PDLIM3: variants seen among roughly 807,000 people sequenced by gnomAD.
The protein encoded by PDLIM3 is PDZ and LIM domain protein 3.
PDLIM3 carries 36 observed loss-of-function variants against 37.3 expected under a neutral mutation model. That is an observed-to-expected ratio of 0.97 (90% CI 0.74 to 1.28). PDLIM3 has a LOEUF of 1.28. Ranked by LOEUF, PDLIM3 falls within the 50% of genes most tolerant of loss-of-function variation. The probability of loss-of-function intolerance (pLI) is 0.00; values close to 1 mark genes in which losing one functional copy is unlikely to be tolerated. For synonymous variants in PDLIM3, 174 were observed against 182.4 expected, an observed-to-expected ratio of 0.95 and a Z score of 0.37; for missense variants, 454 against 485.0, an observed-to-expected ratio of 0.94 and a Z score of 0.60.
At chr4:185,512,675 C>G (rs944273712) in intron 4 of PDLIM3, 7 of 985,142 alleles carry the variant, frequency 7.1e-6, no homozygotes, top group Non-Finnish European at 6.0e-6. Flanking sequence ...TTTATTCAAG[C>G]CTTCTGAAGC....
chr4:185,502,268 T>C lies in PDLIM3; in HGVS notation c.*26A>G, dbSNP rs750420548. ...GTGTAAGTGCGCGTGGGTGGGTGCG[T>C]GCGTGCGTGCCACGCCTGCAGAGAC... is the stretch of plus-strand genomic sequence containing the variant. On this transcript the variant is annotated 3_prime_UTR_variant, in exon 8 of 8. Coordinates refer to ENST00000284767, the MANE Select transcript of PDLIM3 (RefSeq NM_014476.6). 6.2e-7 allele frequency: 1 copy of C among 1,610,778 alleles called. No individual in the cohort carries two copies. The highest frequency in any genetic ancestry group is 1.7e-5 in the Admixed American group (1 of 60,030).
At chr4:185,517,292 C>A (rs1156520910) in intron 3 of PDLIM3, 5 of 142,632 alleles carry the variant, frequency 3.5e-5, no homozygotes, top group Non-Finnish European at 6.0e-5. Flanking sequence ...ACAAGTCTCT[C>A]AGGCTAATTA....
intron 4 of PDLIM3, chr4:185,513,345 A>G (rs1449070447): frequency 2.0e-6 from 2 of 985,056 alleles, no homozygotes; most frequent in Non-Finnish European, 2.4e-6. Context: ...GAAATCATAC[A>G]TAAGGGATGA....
chr4:185,524,882 A>T, intron 2 of PDLIM3, 138 bp downstream of exon 2: 1 of 767,260 alleles, frequency 1.3e-6, no homozygotes, highest in Non-Finnish European at 2.3e-6. Flanking sequence ...GTAAAGAATT[A>T]AGTAGCTAAT....
At chr4:185,513,819 T>G in intron 4 of PDLIM3, 1 of 1,060,804 alleles carries the variant, frequency 9.4e-7, no homozygotes, top group Non-Finnish European at 1.1e-6. Context: ...CTGAAGATGA[T>G]CAGTTTCTCT....
chr4:185,509,482 A>G (rs762923557), intron 4 of PDLIM3, among the ~76,000 whole-genome samples: 3 of 152,190 alleles, frequency 2.0e-5, no homozygotes, highest in Non-Finnish European at 4.4e-5. Context: ...ATGCACATCG[A>G]AGAACTAGGG....
At chr4:185,535,268 G>A in intron 1 of PDLIM3, 74 bp downstream of exon 1, 1 of 1,349,960 alleles carries the variant, frequency 7.4e-7, no homozygotes, top group Admixed American at 2.0e-5. Context: ...CTCGGCCCCG[G>A]GGCATCCACT....
Position 185,504,568 on chromosome 4 carries a change from G to T in PDLIM3, c.812C>A (p.Thr271Lys), listed in dbSNP as rs764497554. 1.2e-6 allele frequency: 2 copies of T among 1,613,952 alleles called. No individual in the cohort carries two copies. The highest frequency in any genetic ancestry group is 3.3e-4 in the Middle Eastern group (2 of 6,062). Reference protein sequence around the residue: ...DDGSDDRPAGTRSVRAPVTKV... With the variant: ...DDGSDDRPAGKRSVRAPVTKV... ...CGTCACCGGAGCTCTCACACTCCGC[G>T]TTCCAGCCGGACGGTCATCTGAAAA... The change falls in exon 7 of 8, where the codon ACG becomes AAG. Residue 271 changes from threonine (T) to lysine (K), a missense_variant. Physicochemically the swap from Thr to Lys is moderately conservative, Grantham distance 78. Transcript: ENST00000284767. The surrounding 1 kb of genome is among the most constrained non-coding windows in gnomAD (Gnocchi z 4.7).
At chr4:185,506,470 C>G in intron 6 of PDLIM3, 52 bp downstream of exon 6, 2 of 1,609,766 alleles carry the variant, frequency 1.2e-6, no homozygotes, top group Admixed American at 1.7e-5. Flanking sequence ...CCGTCCCGCC[C>G]CCTGCAGTGG....
In PDLIM3 at chr4:185,502,482, CGCT is replaced by C; in HGVS notation, c.906-2_906del. 6.2e-7 allele frequency: 1 copy of C among 1,613,880 alleles called. No individual in the cohort carries two copies. Among genetic ancestry groups the C allele is most frequent in the Non-Finnish European group, 8.5e-7 (1 of 1,179,814 alleles). On this transcript the variant is annotated splice_acceptor_variant and coding_sequence_variant, in exon 8 of 8. Transcript: ENST00000284767. LOFTEE classifies it high-confidence loss of function. ...TTATCCCGCGCCTTCACCACAGCAC[CGCT>C]GTTGGGGAAGAAAACGAGCTCAAGT... is the stretch of plus-strand genomic sequence containing the variant.
chr4:185,508,607 A>T, intron 4 of PDLIM3, 45 bp from the exon 5 acceptor site: 1 of 1,600,960 alleles, frequency 6.2e-7, no homozygotes, highest in Non-Finnish European at 8.6e-7. Flanking sequence ...ACCGGGAGCC[A>T]GACAGTCCAG....
At position 185,514,381 on chromosome 4, in the gene PDLIM3, C is replaced by T. The variant is rs773247989; in HGVS notation, c.331-44G>A. On this transcript the variant is annotated intron_variant, in intron 3 of 7. Coordinates refer to ENST00000284767, the MANE Select transcript of PDLIM3 (RefSeq NM_014476.6). The surrounding 1 kb of genome is among the most constrained non-coding windows in gnomAD (Gnocchi z 4.0). Reference sequence around the variant, plus strand: ...AAAAAGGCCCTCAGTGGAAGGCGGACACTGTTGCAGATAAGATTAAACGAA... The same window carrying T: ...AAAAAGGCCCTCAGTGGAAGGCGGATACTGTTGCAGATAAGATTAAACGAA... 1.9e-6 allele frequency: 3 copies of T among 1,614,160 alleles called. No individual in the cohort carries two copies. The highest frequency in any genetic ancestry group is 2.5e-6 in the Non-Finnish European group (3 of 1,180,032).
rs1252423928 is a variant in PDLIM3 at position 185,501,337 on chromosome 4, G to C, written c.*957C>G. On this transcript the variant is annotated 3_prime_UTR_variant, in exon 8 of 8. Transcript: ENST00000284767. ...AGTGGATACAAGCAGGACCCCAGGA[G>C]ACCAGCAGCCCCTGCCTTCCTTAGG... The C allele has an allele frequency of 6.6e-6, 1 of 152,290 alleles. No individual in the cohort carries two copies. Among genetic ancestry groups the C allele is most frequent in the African/African-American group, 2.4e-5 (1 of 41,444 alleles). 9.4% of individuals were successfully genotyped at this position (152,290 alleles called of 1,614,324 possible).
chr4:185,506,397 T>G, intron 6 of PDLIM3, 125 bp downstream of exon 6: 3 of 1,283,702 alleles, frequency 2.3e-6, no homozygotes, highest in Non-Finnish European at 3.4e-6. Flanking sequence ...GAGCAAAAAT[T>G]CATTTGGCTC....
At chr4:185,515,746 T>A (rs971459965) in intron 3 of PDLIM3, 1 of 152,078 alleles carries the variant, frequency 6.6e-6, no homozygotes, top group Non-Finnish European at 1.5e-5. Flanking sequence ...TCCTATAATT[T>A]TTTTTTTTAA....
chr4:185,530,836 C>A (rs1301928471), intron 1 of PDLIM3, among the ~76,000 whole-genome samples: 2 of 152,146 alleles, frequency 1.3e-5, no homozygotes, highest in African/African-American at 4.8e-5. Flanking sequence ...TCTTAGTTAT[C>A]AGATCGGCTG....
chr4:185,528,112 T>G (rs185360422), intron 1 of PDLIM3, among the ~76,000 whole-genome samples: 1 of 152,258 alleles, frequency 6.6e-6, no homozygotes, highest in East Asian at 1.9e-4. Flanking sequence ...AGCAGGTGTA[T>G]CTCAACATAT....
At position 185,514,442 on chromosome 4, in the gene PDLIM3, T is replaced by A; in HGVS notation, c.331-105A>T. 1 of 1,606,776 alleles carries A rather than the reference T, an allele frequency of 6.2e-7. No homozygotes were observed. Among genetic ancestry groups the A allele is most frequent in the Non-Finnish European group, 8.5e-7 (1 of 1,175,446 alleles). ...ACAGGGAGGATCATTTACCACCAACTACTGTCATAACTAAGAAAGGCGATG... is the reference window on the plus strand; with the variant it reads ...ACAGGGAGGATCATTTACCACCAACAACTGTCATAACTAAGAAAGGCGATG... On this transcript the variant is annotated intron_variant, in intron 3 of 7. Coordinates refer to ENST00000284767, the MANE Select transcript of PDLIM3 (RefSeq NM_014476.6). This position sits in a 1 kb window ranked among gnomAD's most constrained non-coding sequence, Gnocchi z 4.0.
intron 4 of PDLIM3, among the ~76,000 whole-genome samples, chr4:185,510,275 T>C (rs998988521): frequency 1.5e-4 from 23 of 152,200 alleles, no homozygotes; most frequent in Non-Finnish European, 1.0e-4. Flanking sequence ...CTCCCAGTAA[T>C]GAACCTACTC....
Sources: allele counts gnomAD v4.1 joint callset (sites outside exome capture counted in the v4.1 genomes callset), GRCh38; gene constraint gnomAD v4.1.1; non-coding constraint Gnocchi (gnomAD v3.1); transcripts MANE v1.5; gene names NCBI Gene and HGNC (gene_info 2026-07-23, HGNC 2026-07-21).